Variants in DLGAP1 observed in about 807,000 individuals in gnomAD.
DLGAP1 encodes DLG associated protein 1, also known as disks large-associated protein 1.
Under a neutral mutation model 90.8 loss-of-function variants are expected in DLGAP1, and 11 were observed. The observed-to-expected ratio is 0.12, with a 90% CI of 0.08 to 0.20. The LOEUF (loss-of-function observed/expected upper bound fraction) is 0.20. Among genes scored for constraint, DLGAP1 ranks in the 10% least tolerant of loss-of-function variants. The pLI, the probability that DLGAP1 is intolerant of heterozygous loss-of-function variation, is 1.00. For missense variants in DLGAP1, 1,050 were observed against 1,333.8 expected (o/e 0.79, Z 3.31); for synonymous variants, 558 against 540.7 (o/e 1.03, Z -0.44).
intron 2 of DLGAP1, among the ~76,000 whole-genome samples, chr18:4,096,113 C>T (rs1419827075): frequency 2.0e-5 from 3 of 152,162 alleles, no homozygotes; most frequent in Non-Finnish European, 4.4e-5. Context: ...GCAGTCTCCG[C>T]CTTCTGGGTT....
intron 1 of DLGAP1, among the ~76,000 whole-genome samples, chr18:4,191,572 A>G (rs1224644843): frequency 6.6e-6 from 1 of 152,146 alleles, no homozygotes; most frequent in Non-Finnish European, 1.5e-5. Context: ...TTCTCTCCAG[A>G]GTGGCCATAG....
intron 1 of DLGAP1, among the ~76,000 whole-genome samples, chr18:4,287,067 T>C (rs913723630): frequency 1.3e-5 from 2 of 152,154 alleles, no homozygotes; most frequent in African/African-American, 4.8e-5. Flanking sequence ...CATTAGTCCA[T>C]GGAGAATGAA....
At chr18:3,977,126 G>A (rs1486991894) in intron 3 of DLGAP1, among the ~76,000 whole-genome samples, 3 of 152,106 alleles carry the variant, frequency 2.0e-5, no homozygotes, top group Non-Finnish European at 4.4e-5. Context: ...CCAGGCTAGA[G>A]TGCAGTGGTG....
chr18:4,425,631 T>C (rs1044116103), intron 1 of DLGAP1, among the ~76,000 whole-genome samples: 7 of 152,184 alleles, frequency 4.6e-5, no homozygotes, highest in African/African-American at 1.7e-4. Flanking sequence ...ATTCACACAT[T>C]CCAACATTTA....
chr18:3,870,581 C>T (rs995341410), intron 4 of DLGAP1, among the ~76,000 whole-genome samples: 3 of 151,872 alleles, frequency 2.0e-5, no homozygotes, highest in South Asian at 2.1e-4. Context: ...ACCTGTCACA[C>T]CATACATATT....
intron 10 of DLGAP1, among the ~76,000 whole-genome samples, chr18:3,530,820 C>T (rs188897525): frequency 1.3e-5 from 2 of 152,266 alleles, no homozygotes; most frequent in Non-Finnish European, 2.9e-5. Context: ...GTTGTTTGCA[C>T]TCATAATATG....
chr18:4,006,566 C>T (rs750158983), intron 2 of DLGAP1, among the ~76,000 whole-genome samples: 3 of 151,878 alleles, frequency 2.0e-5, no homozygotes, highest in African/African-American at 4.8e-5. Context: ...TCATAGTTAT[C>T]GCAAGCAGCC....
chr18:3,659,391 TTA>T (rs1452211498), intron 7 of DLGAP1, among the ~76,000 whole-genome samples: 2 of 61,380 alleles, frequency 3.3e-5, no homozygotes, highest in Non-Finnish European at 6.2e-5. Flanking sequence ...ACACATACAT[TTA>T]TACACACACA....
At chr18:3,636,929 T>G (rs893721844) in intron 7 of DLGAP1, among the ~76,000 whole-genome samples, 4 of 151,082 alleles carry the variant, frequency 2.6e-5, no homozygotes, top group African/African-American at 9.8e-5. Context: ...TTCACCATGT[T>G]GGCCAGGATG....
In DLGAP1 at chr18:4,123,479, C is replaced by T. The variant is rs117059992; in HGVS notation, c.-159+27701G>A. Among the ~76,000 whole-genome samples the T allele has an allele frequency of 6.6e-3, 1,008 of 152,242 alleles. 5 individuals carry two copies. Among genetic ancestry groups the T allele is most frequent in the Non-Finnish European group, 9.7e-3 (658 of 68,020 alleles). ...TAAAGTCTACTCGTGGAAATATACTCGGACTGTGGGACAGAAACAATGTTC... is the reference window on the plus strand; with the variant it reads ...TAAAGTCTACTCGTGGAAATATACTTGGACTGTGGGACAGAAACAATGTTC... On this transcript the variant is annotated intron_variant, in intron 2 of 12. Coordinates refer to ENST00000315677, the MANE Select transcript of DLGAP1 (RefSeq NM_004746.4).
At chr18:4,193,483 T>C (rs2077438404) in intron 1 of DLGAP1, among the ~76,000 whole-genome samples, 2 of 151,992 alleles carry the variant, frequency 1.3e-5, no homozygotes, top group African/African-American at 4.8e-5. Flanking sequence ...AAACAACAGC[T>C]TTGGGGGAAA....
At chr18:3,614,413 T>C (rs989787319) in intron 7 of DLGAP1, among the ~76,000 whole-genome samples, 1 of 151,984 alleles carries the variant, frequency 6.6e-6, no homozygotes, top group Non-Finnish European at 1.5e-5. Context: ...TTAATATGGG[T>C]CAAAAGAAAT....
chr18:3,814,336 CTT>C, intron 4 of DLGAP1, 63 bp from the exon 5 acceptor site: 1 of 1,147,390 alleles, frequency 8.7e-7, no homozygotes, highest in Non-Finnish European at 1.2e-6. Flanking sequence ...TTTTCTTTTT[CTT>C]TTTTTTTAGA....
intron 4 of DLGAP1, among the ~76,000 whole-genome samples, chr18:3,847,161 T>C (rs937476648): frequency 3.3e-5 from 5 of 152,168 alleles, no homozygotes; most frequent in African/African-American, 7.2e-5. Context: ...GGTATCAGGA[T>C]AGCATTGGCC....
chr18:4,192,761 A>T (rs1354621985), intron 1 of DLGAP1, among the ~76,000 whole-genome samples: 1 of 152,182 alleles, frequency 6.6e-6, no homozygotes, highest in Non-Finnish European at 1.5e-5. Flanking sequence ...GCCAATGTGG[A>T]TCTGCAGACT....
At chr18:3,519,189 C>T (rs1310049812) in intron 10 of DLGAP1, among the ~76,000 whole-genome samples, 7 of 152,108 alleles carry the variant, frequency 4.6e-5, no homozygotes, top group African/African-American at 7.2e-5. Flanking sequence ...CACTGCAAAA[C>T]GAAGGGTCAG....
At chr18:3,750,095 C>T (rs1196304538) in intron 5 of DLGAP1, among the ~76,000 whole-genome samples, 1 of 152,156 alleles carries the variant, frequency 6.6e-6, no homozygotes, top group Non-Finnish European at 1.5e-5. Context: ...CAGTACCCAA[C>T]AGTTAGTCTT....
chr18:3,895,322 T>C lies in DLGAP1; in HGVS notation c.-72-15182A>G, dbSNP rs978047495. ...ACACACACACACACACACACACACA[T>C]CATCATCATCATCATCATCATCTCA... is the stretch of plus-strand genomic sequence containing the variant. On this transcript the variant is annotated intron_variant, in intron 3 of 12. Transcript: ENST00000315677. Among the ~76,000 whole-genome samples, 5 of 76,300 alleles carry C rather than the reference T, an allele frequency of 6.6e-5. No individual in the cohort carries two copies. The South Asian group carries it at 2.2e-3, about 34-fold the overall frequency. The allele number at this position is 76,300 out of a possible 152,430, so 50.1% of individuals were successfully genotyped here.
rs2074975981 is a variant in DLGAP1, at chr18:4,041,624, T to C, written c.-158-36423A>G. Among the ~76,000 whole-genome samples the C allele has an allele frequency of 2.0e-5, 3 of 152,204 alleles. No homozygotes were observed. The South Asian group carries it at 6.2e-4, about 32-fold the overall frequency. On this transcript the variant is annotated intron_variant, in intron 2 of 12. Transcript: ENST00000315677. ...AGCAAAGAATAAGGATGGAACTATC[T>C]TGTTCTTCCACTCATACAACTTTCC... is the stretch of plus-strand genomic sequence containing the variant.
Sources: gnomAD v4.1 joint callset for allele counts (sites outside exome capture counted in the v4.1 genomes callset) on GRCh38, gnomAD v4.1.1 for gene constraint, MANE v1.5 for transcripts, NCBI Gene and HGNC (gene_info 2026-07-23, HGNC 2026-07-21) for gene names.